TRPM2: variants seen among roughly 807,000 people sequenced by gnomAD.
TRPM2 encodes the protein transient receptor potential cation channel subfamily M member 2, also known as estrogen-responsive element-associated gene 1 protein.
Under a neutral mutation model 174.0 loss-of-function variants are expected in TRPM2, and 161 were observed. The ratio of observed to expected loss-of-function variants is 0.93; its 90% CI spans 0.81 to 1.05. The LOEUF is 1.05. Among genes scored for constraint, TRPM2 ranks in the 50% least tolerant of loss-of-function variants. The pLI is 0.00. For synonymous variants in TRPM2, 954 were observed against 861.3 expected, an observed-to-expected ratio of 1.11 and a Z score of -1.88; for missense variants, 2,057 against 2,038.0, an observed-to-expected ratio of 1.01 and a Z score of -0.18.
Position 44,366,651 on chromosome 21 carries a change from G to A in TRPM2, c.424-103G>A. On this transcript the variant is annotated intron_variant, in intron 3 of 31. Transcript: ENST00000397928. The surrounding 1 kb of genome is among the most constrained non-coding windows in gnomAD (Gnocchi z 6.0). ...TGGGTCTGAGCCGGAAAGGTGTGCG[G>A]TGTCTGCCGCCCGCTGGGGCCTCTC... The A allele has an allele frequency of 6.6e-7, 1 of 1,515,024 alleles. No homozygotes were observed. Among genetic ancestry groups the A allele is most frequent in the Non-Finnish European group, 9.0e-7 (1 of 1,106,570 alleles). The allele number at this position is 1,515,024 out of a possible 1,614,324, so 93.8% of individuals were successfully genotyped here.
chr21:44,399,237 C>A lies in TRPM2; in HGVS notation c.2063-59C>A. 6.4e-7 allele frequency: 1 copy of A among 1,570,270 alleles called. No individual in the cohort carries two copies. ...CCCGAGTGGTTGCCCTCTGACCCGT[C>A]CCCAGGGCTCAGTGATTGTGACCTG... On this transcript the variant is annotated intron_variant, in intron 13 of 31. Transcript: ENST00000397928. The surrounding 1 kb of genome is among the most constrained non-coding windows in gnomAD (Gnocchi z 4.6).
chr21:44,366,954 G>C lies in TRPM2; in HGVS notation c.604+20G>C. On this transcript the variant is annotated intron_variant, in intron 4 of 31. Transcript: ENST00000397928. The surrounding 1 kb of genome is among the most constrained non-coding windows in gnomAD (Gnocchi z 6.0). Reference sequence around the variant, plus strand: ...CCACAGGTAACTCGGAGGCTGGAGGGACACGAGGCCCCGGCGGGTGGGGTG... The same window carrying C: ...CCACAGGTAACTCGGAGGCTGGAGGCACACGAGGCCCCGGCGGGTGGGGTG... The C allele has an allele frequency of 6.4e-7, 1 of 1,557,768 alleles. No individual in the cohort carries two copies. Among genetic ancestry groups the C allele is most frequent in the Non-Finnish European group, 8.7e-7 (1 of 1,148,210 alleles).
chr21:44,378,272 G>A (rs1025768242), intron 7 of TRPM2, among the ~76,000 whole-genome samples: 1 of 152,218 alleles, frequency 6.6e-6, no homozygotes, highest in African/African-American at 2.4e-5. Flanking sequence ...CTGCTTTGTG[G>A]CGTGCAGGGT....
Position 44,378,982 on chromosome 21 carries a change from C to T in TRPM2, c.1015-15C>T, listed in dbSNP as rs1310830644. ...AGGACCCAGTCCCGGGCTCACACCC[C>T]CACCTGCCTTGCAGACCATCGACAA... is the stretch of plus-strand genomic sequence containing the variant. On this transcript the variant is annotated splice_polypyrimidine_tract_variant and intron_variant, in intron 7 of 31. Transcript: ENST00000397928. 5.6e-6 allele frequency: 9 copies of T among 1,600,170 alleles called. No homozygotes were observed. Among genetic ancestry groups the T allele is most frequent in the Non-Finnish European group, 7.6e-6 (9 of 1,178,220 alleles).
chr21:44,386,444 T>C (rs139114179), intron 9 of TRPM2, among the ~76,000 whole-genome samples: 1,727 of 151,904 alleles, frequency 0.011, 14 homozygotes, highest in Non-Finnish European at 0.018. Flanking sequence ...TTCTATACAC[T>C]AAAAATGAAT....
In TRPM2 at chr21:44,366,743, C is replaced by T; in HGVS notation, c.424-11C>T. 2 of 1,613,912 alleles carry T rather than the reference C, an allele frequency of 1.2e-6. No individual in the cohort carries two copies. The highest frequency in any genetic ancestry group is 1.7e-6 in the Non-Finnish European group (2 of 1,179,980). ...ACACAGGTTCCCTCCGCCGTTTTCC[C>T]TTTCCCGCAGTACGTCCGAGTCTCC... On this transcript the variant is annotated splice_polypyrimidine_tract_variant and intron_variant, in intron 3 of 31. Coordinates refer to ENST00000397928, the MANE Select transcript of TRPM2 (RefSeq NM_003307.4). The surrounding 1 kb of genome is among the most constrained non-coding windows in gnomAD (Gnocchi z 6.0).
chr21:44,414,504 C>A (rs1477774135), intron 20 of TRPM2: 1 of 171,818 alleles, frequency 5.8e-6, no homozygotes, highest in Admixed American at 5.8e-5. Flanking sequence ...CCCCTTGTCA[C>A]CCCAAGGGCT....
Position 44,353,740 on chromosome 21 carries a change from G to A in TRPM2, c.40G>A (p.Glu14Lys), listed in dbSNP as rs1448131403. Residue 14 changes from glutamate (E) to lysine (K), a missense_variant, in exon 1 of 32, where the codon GAG becomes AAG. Glu to Lys is a moderately conservative substitution (Grantham distance 56). Transcript: ENST00000397928. ...SALRKAGSEQ[E>K]EGFEGLPRRV... ...CCTGAGGAAAGCTGGCTCGGAGCAG[G>A]AGGAGGGCTTTGAGGGGCTGCCCAG... 2 of 1,587,408 alleles carry A rather than the reference G, an allele frequency of 1.3e-6. No homozygotes were observed. The highest frequency in any genetic ancestry group is 1.4e-5 in the African/African-American group (1 of 73,228).
At chr21:44,409,389 A>G (rs2050012535) in intron 19 of TRPM2, among the ~76,000 whole-genome samples, 1 of 152,172 alleles carries the variant, frequency 6.6e-6, no homozygotes. Flanking sequence ...AAATCAGTGG[A>G]CCATTAACAT....
At position 44,439,084 on chromosome 21, in the gene TRPM2, G is replaced by T; in HGVS notation, c.4185G>T (p.Gly1395=). ...CTGTCCAGGGCTCCCGGGAGCCAGG[G>T]GAGATGCTACCTCGGAAGCTGAAGC... ...WALPGGSREP[G]EMLPRKLKRI... is the part of the protein sequence containing the mutation. The change falls in exon 30 of 32, where the codon GGG becomes GGT. Residue 1395 remains glycine, a synonymous_variant. Coordinates refer to ENST00000397928, the MANE Select transcript of TRPM2 (RefSeq NM_003307.4). The surrounding 1 kb of genome is among the most constrained non-coding windows in gnomAD (Gnocchi z 5.1). The T allele has an allele frequency of 1.2e-6, 2 of 1,613,350 alleles. No homozygotes were observed. Among genetic ancestry groups the T allele is most frequent in the Non-Finnish European group, 8.5e-7 (1 of 1,179,822 alleles).
intron 2 of TRPM2, 132 bp from the exon 3 acceptor site, chr21:44,363,982 C>A (rs539787837): frequency 2.1e-6 from 2 of 941,806 alleles, no homozygotes; most frequent in Non-Finnish European, 3.1e-6. Flanking sequence ...TCCCCCATGG[C>A]TGGAAGGGCA....
chr21:44,375,757 G>T (rs567883813), intron 5 of TRPM2, 76 bp from the exon 6 acceptor site: 2 of 1,488,196 alleles, frequency 1.3e-6, no homozygotes, highest in African/African-American at 1.4e-5. Context: ...CTCTGTGAGG[G>T]CCGGTGTTCA....
intron 24 of TRPM2, 171 bp downstream of exon 24, chr21:44,425,110 C>T (rs551665134): frequency 1.9e-5 from 12 of 622,678 alleles, no homozygotes; most frequent in South Asian, 6.2e-5. Context: ...GCCCACCCAC[C>T]GACGCTGGCG....
Position 44,423,711 on chromosome 21 carries a change from G to T in TRPM2, c.3528G>T (p.Arg1176Ser). The T allele has an allele frequency of 1.2e-6, 2 of 1,610,540 alleles. No homozygotes were observed. Among genetic ancestry groups the T allele is most frequent in the Non-Finnish European group, 1.7e-6 (2 of 1,179,244 alleles). The change falls in exon 23 of 32, where the codon AGG (arginine) becomes AGT (serine). Residue 1176 changes from arginine to serine, a missense_variant. By Grantham distance (110) the Arg-to-Ser change is moderately radical. Transcript: ENST00000397928. ...AGAGGTCGGGCTCCATGGAGCAGAG[G>T]TTGGCCTCCCTGGAGGAGCAGGTGG... Reference protein sequence around the residue: ...PLKRSGSMEQRLASLEEQVAQ... With the variant: ...PLKRSGSMEQSLASLEEQVAQ...
chr21:44,374,535 A>G (rs1345589670), intron 5 of TRPM2, among the ~76,000 whole-genome samples: 2 of 152,068 alleles, frequency 1.3e-5, no homozygotes, highest in Non-Finnish European at 2.9e-5. Context: ...GGGAGCCCTG[A>G]GCTTGTTTTC....
intron 27 of TRPM2, among the ~76,000 whole-genome samples, chr21:44,429,997 A>G (rs2050967885): frequency 6.6e-6 from 1 of 152,210 alleles, no homozygotes; most frequent in South Asian, 2.1e-4. Flanking sequence ...ATGCTACTAA[A>G]TGGTTTTTCT....
At chr21:44,380,980 G>A (rs1474383363) in intron 8 of TRPM2, among the ~76,000 whole-genome samples, 1 of 152,168 alleles carries the variant, frequency 6.6e-6, no homozygotes, top group Non-Finnish European at 1.5e-5. Context: ...GCTGCTTTAC[G>A]GTATGAGGAT....
intron 5 of TRPM2, among the ~76,000 whole-genome samples, chr21:44,372,184 A>G (rs575528071): frequency 6.6e-6 from 1 of 151,068 alleles, no homozygotes; most frequent in African/African-American, 2.4e-5. Flanking sequence ...TACAGCAGAA[A>G]CTCCAAGATC....
Position 44,366,750 on chromosome 21 carries a change from G to A in TRPM2, c.424-4G>A, listed in dbSNP as rs772658651. The A allele has an allele frequency of 1.2e-6, 2 of 1,613,778 alleles. No homozygotes were observed. The highest frequency in any genetic ancestry group is 1.3e-5 in the African/African-American group (1 of 74,962). On this transcript the variant is annotated splice_region_variant and splice_polypyrimidine_tract_variant and intron_variant, in intron 3 of 31. Transcript: ENST00000397928. This position sits in a 1 kb window ranked among gnomAD's most constrained non-coding sequence, Gnocchi z 6.0. The stretch of plus-strand genomic sequence containing the variant: ...TTCCCTCCGCCGTTTTCCCTTTCCC[G>A]CAGTACGTCCGAGTCTCCCAGGACA...
Sources: allele counts gnomAD v4.1 joint callset (sites outside exome capture counted in the v4.1 genomes callset), GRCh38; gene constraint gnomAD v4.1.1; non-coding constraint Gnocchi (gnomAD v3.1); transcripts MANE v1.5; gene names NCBI Gene and HGNC (gene_info 2026-07-23, HGNC 2026-07-21).